Variants in GPM6A observed in about 807,000 individuals in gnomAD.
The protein encoded by GPM6A is glycoprotein M6A, also known as neuronal membrane glycoprotein M6-a.
A neutral mutation model predicts 32.1 loss-of-function variants in GPM6A; 7 were observed. The ratio of observed to expected loss-of-function variants is 0.22; its 90% CI spans 0.12 to 0.41. GPM6A has a LOEUF of 0.41. GPM6A is among the 10% of genes least tolerant of loss of function. The pLI is 1.00. For missense variants in GPM6A, 235 were observed against 347.2 expected (o/e 0.68, Z 2.57); for synonymous variants, 130 against 123.4 (o/e 1.05, Z -0.35).
At chr4:175,694,605 T>C (rs1191359312) in intron 2 of GPM6A, among the ~76,000 whole-genome samples, 1 of 152,310 alleles carries the variant, frequency 6.6e-6, no homozygotes, top group Middle Eastern at 3.4e-3. Flanking sequence ...AACAAGCTTG[T>C]GTTCATATTC....
intron 1 of GPM6A, among the ~76,000 whole-genome samples, chr4:175,775,330 C>T (rs937297074): frequency 1.7e-4 from 26 of 151,950 alleles, no homozygotes; most frequent in Admixed American, 4.6e-4. Flanking sequence ...TGCTGAAAGA[C>T]GCAAATGGGA....
chr4:175,953,379 C>A (rs1255088419), intron 1 of GPM6A, among the ~76,000 whole-genome samples: 2 of 151,968 alleles, frequency 1.3e-5, no homozygotes, highest in African/African-American at 4.8e-5. Flanking sequence ...CATTTGCAGA[C>A]CTAAACTGTA....
chr4:175,721,301 C>T (rs1046724791), intron 1 of GPM6A, among the ~76,000 whole-genome samples: 2 of 151,274 alleles, frequency 1.3e-5, no homozygotes, highest in African/African-American at 2.4e-5. Context: ...CATAGTGAAA[C>T]CCCGTCTTTA....
intron 3 of GPM6A, among the ~76,000 whole-genome samples, chr4:175,659,161 C>T (rs533794096): frequency 2.0e-5 from 3 of 151,626 alleles, no homozygotes; most frequent in Non-Finnish European, 4.4e-5. Flanking sequence ...CGGCTCACTG[C>T]AACCTCCTCC....
chr4:175,684,525 TAAATTAGATA>T (rs1248831410), intron 2 of GPM6A, among the ~76,000 whole-genome samples: 2 of 152,282 alleles, frequency 1.3e-5, no homozygotes, highest in African/African-American at 4.8e-5. Context: ...TAAAATCAGA[TAAATTAGATA>T]AAATTAGATA....
At chr4:175,960,261 A>C (rs557461516) in intron 1 of GPM6A, among the ~76,000 whole-genome samples, 2 of 152,300 alleles carry the variant, frequency 1.3e-5, no homozygotes, top group African/African-American at 4.8e-5. Context: ...AGCAAATAAA[A>C]AAATTAAACT....
At chr4:175,985,296 T>C (rs897033680) in intron 1 of GPM6A, among the ~76,000 whole-genome samples, 10 of 152,334 alleles carry the variant, frequency 6.6e-5, no homozygotes, top group Admixed American at 6.5e-4. Context: ...CATTAAAATC[T>C]CATATATTTT....
At chr4:175,955,608 T>A (rs1459052821) in intron 1 of GPM6A, among the ~76,000 whole-genome samples, 2 of 152,208 alleles carry the variant, frequency 1.3e-5, no homozygotes, top group African/African-American at 4.8e-5. Context: ...CAGTTTTATT[T>A]ATGAGTATCC....
chr4:175,865,890 C>T (rs560298404), intron 1 of GPM6A, among the ~76,000 whole-genome samples: 4 of 152,142 alleles, frequency 2.6e-5, no homozygotes, highest in South Asian at 4.2e-4. Flanking sequence ...GTGGAACTGG[C>T]GTTACATCCT....
chr4:175,865,627 A>T (rs1736710283), intron 1 of GPM6A, among the ~76,000 whole-genome samples: 1 of 152,144 alleles, frequency 6.6e-6, no homozygotes, highest in Non-Finnish European at 1.5e-5. Context: ...ATCTTTCTAC[A>T]TGCACATCTT....
At chr4:175,641,949 A>G (rs1019665171) in intron 4 of GPM6A, 1 of 152,156 alleles carries the variant, frequency 6.6e-6, no homozygotes, top group Non-Finnish European at 1.5e-5. Flanking sequence ...TCAGCCTCCC[A>G]AAGTGCCAGA....
At position 175,634,851 on chromosome 4, in the gene GPM6A, G is replaced by A. The variant is rs764374515; in HGVS notation, c.*54C>T. On this transcript the variant is annotated 3_prime_UTR_variant, in exon 7 of 7. Coordinates refer to ENST00000393658, the MANE Select transcript of GPM6A (RefSeq NM_201591.3). ...TTTTTAAAGGTTGGATGGTTGGATG[G>A]CCCTTAGTTAAACACCAATGCATTC... The A allele has an allele frequency of 6.5e-5, 96 of 1,474,978 alleles. No individual in the cohort carries two copies. Among genetic ancestry groups the A allele is most frequent in the Non-Finnish European group, 8.6e-5 (91 of 1,061,452 alleles). The allele number at this position is 1,474,978 out of a possible 1,614,324, so 91.4% of individuals were successfully genotyped here.
At chr4:175,695,145 C>T (rs1346965835) in intron 2 of GPM6A, among the ~76,000 whole-genome samples, 4 of 152,016 alleles carry the variant, frequency 2.6e-5, no homozygotes, top group Admixed American at 2.6e-4. Context: ...GATGTCCAGG[C>T]ATAAGCCTGC....
intron 6 of GPM6A, among the ~76,000 whole-genome samples, chr4:175,637,635 AT>A: frequency 1.5e-3 from 1 of 670 alleles, no homozygotes; most frequent in African/African-American, 2.5e-3. Flanking sequence ...TTATATATAT[AT>A]TATATATTAT....
intron 3 of GPM6A, among the ~76,000 whole-genome samples, chr4:175,658,023 G>T (rs192009766): frequency 3.0e-4 from 45 of 152,254 alleles, no homozygotes; most frequent in Non-Finnish European, 5.9e-4. Context: ...TCAAAAATAT[G>T]CAGTCATCAT....
At chr4:175,759,082 C>G (rs1453419321) in intron 1 of GPM6A, among the ~76,000 whole-genome samples, 1 of 152,152 alleles carries the variant, frequency 6.6e-6, no homozygotes, top group African/African-American at 2.4e-5. Flanking sequence ...CATTCAAAAA[C>G]TATTAAGTGT....
At chr4:175,990,265 C>T (rs148977054) in intron 1 of GPM6A, among the ~76,000 whole-genome samples, 2 of 152,270 alleles carry the variant, frequency 1.3e-5, no homozygotes, top group African/African-American at 2.4e-5. Flanking sequence ...CTCCATCACT[C>T]CCTGTAGGAA....
At chr4:175,902,493 G>C (rs1017477543) in intron 1 of GPM6A, among the ~76,000 whole-genome samples, 41 of 152,162 alleles carry the variant, frequency 2.7e-4, no homozygotes, top group African/African-American at 8.9e-4. Flanking sequence ...CAACATGCAG[G>C]CTCCATCTTT....
At chr4:175,659,520 AATAAC>A (rs1290565582) in intron 3 of GPM6A, among the ~76,000 whole-genome samples, 7 of 152,184 alleles carry the variant, frequency 4.6e-5, no homozygotes, top group African/African-American at 1.7e-4. Flanking sequence ...TTAAGAGAAA[AATAAC>A]ATAACCAAAA....
Sources: allele counts gnomAD v4.1 joint callset (sites outside exome capture counted in the v4.1 genomes callset), GRCh38; gene constraint gnomAD v4.1.1; transcripts MANE v1.5; gene names NCBI Gene and HGNC (gene_info 2026-07-23, HGNC 2026-07-21).